URB1: variants seen among roughly 807,000 people sequenced by gnomAD.
URB1 encodes the protein URB1 ribosome biogenesis factor.
URB1 carries 197 observed loss-of-function variants against 242.3 expected under a neutral mutation model. The observed-to-expected ratio is 0.81, with a 90% CI of 0.72 to 0.91. URB1 has a LOEUF of 0.91. Ranked by LOEUF, URB1 falls within the 40% of genes least tolerant of loss-of-function variation. The pLI, the probability that URB1 is intolerant of heterozygous loss-of-function variation, is 0.00. For synonymous variants in URB1, 1,153 were observed against 1,201.8 expected (o/e 0.96, Z 0.84); for missense variants, 2,721 against 2,860.5 (o/e 0.95, Z 1.11).
chr21:32,312,328 A>G lies in URB1; in HGVS notation c.*2590T>C. On this transcript the variant is annotated 3_prime_UTR_variant, in exon 39 of 39. Transcript: ENST00000382751. Reference sequence around the variant, plus strand: ...CTAATCTTTACTATGCCACTTTACCATTACTGTGTAATGCGTTATCAGCCC... The same window carrying G: ...CTAATCTTTACTATGCCACTTTACCGTTACTGTGTAATGCGTTATCAGCCC... 8.0e-7 allele frequency: 1 copy of G among 1,255,784 alleles called. No homozygotes were observed. The highest frequency in any genetic ancestry group is 1.0e-6 in the Non-Finnish European group (1 of 986,772). The allele number at this position is 1,255,784 out of a possible 1,614,324, so 77.8% of individuals were successfully genotyped here. A position where few individuals can be genotyped will look rare whatever the true frequency, so the allele number is the denominator to read the frequency against.
rs1568831969 is a variant in URB1 at position 32,378,497 on chromosome 21, GGA to G, written c.610_611del (p.Ser204LeufsTer6). 1.3e-6 allele frequency: 2 copies of G among 1,551,588 alleles called. No homozygotes were observed. Among genetic ancestry groups the G allele is most frequent in the African/African-American group, 1.4e-5 (1 of 73,046 alleles). Reference protein sequence around the residue: ...VRQAYVQFALSFLIAGDDSTI... With the variant: ...VRQAYVQFALXFLIAGDDSTI... ...TGCTGTCATCACCCGCAATTAAAAA[GGA>G]GAGAGCAAACTGAACGTAGGCCTGC... is the stretch of plus-strand genomic sequence containing the variant. On this transcript the variant is annotated frameshift_variant, in exon 5 of 39. Transcript: ENST00000382751. LOFTEE classifies it high-confidence loss of function.
At chr21:32,334,377 C>T (rs1291528543) in intron 28 of URB1, 43 bp from the exon 29 acceptor site, 8 of 1,509,738 alleles carry the variant, frequency 5.3e-6, no homozygotes, top group South Asian at 2.6e-5. Context: ...CAGAGCCCCC[C>T]GGGAACAGAA....
At chr21:32,372,762 C>A (rs944379251) in intron 7 of URB1, 131 bp from the exon 8 acceptor site, 1 of 1,049,074 alleles carries the variant, frequency 9.5e-7, no homozygotes. Context: ...TGGTGTCATT[C>A]CAAACAATAA....
chr21:32,381,819 G>C (rs2033530230), intron 4 of URB1, among the ~76,000 whole-genome samples: 1 of 152,222 alleles, frequency 6.6e-6, no homozygotes, highest in Non-Finnish European at 1.5e-5. Context: ...AAACTGAAAA[G>C]GTGGAGGGTG....
chr21:32,331,978 C>A (rs1231380543), intron 30 of URB1, among the ~76,000 whole-genome samples: 1 of 152,216 alleles, frequency 6.6e-6, no homozygotes, highest in African/African-American at 2.4e-5. Context: ...ACTGGGCAGC[C>A]CCCACTTCTA....
intron 6 of URB1, 64 bp from the exon 7 acceptor site, chr21:32,373,836 AT>A (rs2033431583): frequency 4.4e-6 from 6 of 1,366,624 alleles, no homozygotes; most frequent in East Asian, 2.8e-5. Flanking sequence ...GAATTCAATT[AT>A]TTTTTAAATG....
At chr21:32,341,397 A>G (rs2123571372) in intron 25 of URB1, 69 bp downstream of exon 25, 1 of 1,451,742 alleles carries the variant, frequency 6.9e-7, no homozygotes, top group Non-Finnish European at 9.4e-7. Flanking sequence ...AAGCTATAAA[A>G]GAGGCTTTGC....
intron 5 of URB1, 83 bp downstream of exon 5, chr21:32,378,361 CT>C: frequency 1.1e-5 from 14 of 1,319,354 alleles, no homozygotes; most frequent in South Asian, 1.3e-5. Flanking sequence ...AGGCTGCAGA[CT>C]TTTTTTGAAC....
Position 32,363,354 on chromosome 21 carries a change from A to C in URB1, c.1336-25T>G, listed in dbSNP as rs1192899096. The C allele has an allele frequency of 1.9e-6, 3 of 1,547,356 alleles. No individual in the cohort carries two copies. The Admixed American group carries it at 5.9e-5, about 30-fold the overall frequency. On this transcript the variant is annotated intron_variant, in intron 10 of 38. Coordinates refer to ENST00000382751, the MANE Select transcript of URB1 (RefSeq NM_014825.3). Reference sequence around the variant, plus strand: ...ACTGGGAAGAAAAAGAGTTAAATGCACACATGTCTCTAGGATACACAGATT... The same window carrying C: ...ACTGGGAAGAAAAAGAGTTAAATGCCCACATGTCTCTAGGATACACAGATT...
chr21:32,361,606 C>CA (rs2033289247), intron 12 of URB1, among the ~76,000 whole-genome samples: 1 of 152,096 alleles, frequency 6.6e-6, no homozygotes, highest in Non-Finnish European at 1.5e-5. Flanking sequence ...CCCATACTGT[C>CA]ATCCCTGGAA....
chr21:32,326,892 T>G (rs765321799), intron 30 of URB1, among the ~76,000 whole-genome samples: 2 of 152,162 alleles, frequency 1.3e-5, no homozygotes, highest in Non-Finnish European at 2.9e-5. Context: ...TATCAGTGAT[T>G]AGACACTAGA....
At chr21:32,329,405 AAG>A (rs1310187801) in intron 30 of URB1, among the ~76,000 whole-genome samples, 1 of 152,234 alleles carries the variant, frequency 6.6e-6, no homozygotes, top group Admixed American at 6.5e-5. Context: ...TCACAGTGAG[AAG>A]AGTCAGAGGA....
rs2033548318 is a variant in URB1 at position 32,383,414 on chromosome 21, C to A, written c.567+8G>T. 4 of 1,549,854 alleles carry A rather than the reference C, an allele frequency of 2.6e-6. No individual in the cohort carries two copies. The highest frequency in any genetic ancestry group is 1.2e-5 in the South Asian group (1 of 83,786). ...CATGGAAGGCACGAGACACTGTGGT[C>A]CCCTCACCTTTGAATCCCTCTTGGT... On this transcript the variant is annotated splice_region_variant and intron_variant, in intron 4 of 38. Coordinates refer to ENST00000382751, the MANE Select transcript of URB1 (RefSeq NM_014825.3).
intron 21 of URB1, among the ~76,000 whole-genome samples, chr21:32,348,740 G>A (rs1363587522): frequency 6.6e-6 from 1 of 152,182 alleles, no homozygotes; most frequent in Non-Finnish European, 1.5e-5. Context: ...AATAATAGGT[G>A]GTCCCACCCA....
chr21:32,340,825 G>A (rs2033021019), intron 25 of URB1, among the ~76,000 whole-genome samples: 1 of 152,112 alleles, frequency 6.6e-6, no homozygotes, highest in African/African-American at 2.4e-5. Context: ...ATGTAAAGGG[G>A]AGAATAGGGA....
intron 17 of URB1, 63 bp downstream of exon 17, chr21:32,354,796 T>C (rs1423096864): frequency 6.6e-7 from 1 of 1,521,452 alleles, no homozygotes; most frequent in African/African-American, 1.4e-5. Flanking sequence ...TCTCAATCTC[T>C]TAACACGTCA....
At chr21:32,333,534 T>C (rs1311641383) in intron 29 of URB1, 115 bp from the exon 30 acceptor site, 2 of 811,756 alleles carry the variant, frequency 2.5e-6, no homozygotes, top group Non-Finnish European at 3.9e-6. Flanking sequence ...TTTGGAATAT[T>C]TGCATACATA....
intron 30 of URB1, among the ~76,000 whole-genome samples, chr21:32,330,308 A>AGCAAT (rs2032879488): frequency 6.8e-6 from 1 of 148,088 alleles, no homozygotes; most frequent in Non-Finnish European, 1.5e-5. Flanking sequence ...TGACTATTGC[A>AGCAAT]ATTCCTTTTC....
rs767233071 is a variant in URB1, at chr21:32,345,391, G to A, written c.4053C>T (p.Thr1351=). The change falls in exon 23 of 39, where the codon ACC becomes ACT. Residue 1351 remains threonine, a synonymous_variant. Transcript: ENST00000382751. ...CTTCATACCTCTTGTGACTGCTTGG[G>A]GTGTGAAGCAAGCTGGGCAGGCGGT... is the stretch of plus-strand genomic sequence containing the variant. ...LMDRLPSLLH[T]PSSHKRWIVA... 17 of 1,551,148 alleles carry A rather than the reference G, an allele frequency of 1.1e-5. No homozygotes were observed. In the African/African-American group the frequency reaches 2.2e-4, roughly 20 times the overall value.
Sources: allele counts gnomAD v4.1 joint callset (sites outside exome capture counted in the v4.1 genomes callset), GRCh38; gene constraint gnomAD v4.1.1; transcripts MANE v1.5; gene names NCBI Gene and HGNC (gene_info 2026-07-23, HGNC 2026-07-21).